Variants in C3orf33 observed in about 807,000 individuals in gnomAD.
C3orf33 encodes the protein mitochondrial inner membrane subdomain organizer 1, also known as AP-1 activity suppressor.
Under a neutral mutation model 28.7 loss-of-function variants are expected in C3orf33, and 23 were observed. The observed-to-expected ratio is 0.80, with a 90% confidence interval of 0.58 to 1.13. The LOEUF is 1.13. C3orf33 is among the 50% of genes most tolerant of loss of function. The pLI is 0.00. For synonymous variants in C3orf33, 119 were observed against 120.5 expected (o/e 0.99, Z 0.08); for missense variants, 327 against 353.4 (o/e 0.93, Z 0.60).
chr3:155,783,467 A>AT (rs57517417), intron 2 of C3orf33, among the ~76,000 whole-genome samples: 2,032 of 134,144 alleles, frequency 0.015, 51 homozygotes, highest in African/African-American at 0.048. Context: ...CCTGTACTAC[A>AT]TTTTTTTTTT....
At chr3:155,792,124 CACAG>C (rs1178295244) in intron 2 of C3orf33, among the ~76,000 whole-genome samples, 1 of 152,148 alleles carries the variant, frequency 6.6e-6, no homozygotes, top group Non-Finnish European at 1.5e-5. Flanking sequence ...GGCACCTTGA[CACAG>C]ACAGAGAGAC....
chr3:155,772,770 C>CTGTGTG (rs1406983545), intron 3 of C3orf33, among the ~76,000 whole-genome samples: 1 of 84,382 alleles, frequency 1.2e-5, no homozygotes, highest in Non-Finnish European at 2.6e-5. Context: ...AATTTTTAGG[C>CTGTGTG]TCTGTGTGTG....
intron 2 of C3orf33, 133 bp from the exon 3 acceptor site, chr3:155,775,981 T>C (rs945908237): frequency 1.7e-6 from 1 of 604,882 alleles, no homozygotes. Flanking sequence ...CCTAATTTTA[T>C]ATTACTTTAA....
At chr3:155,801,235 C>G (rs550452063) in intron 2 of C3orf33, among the ~76,000 whole-genome samples, 1 of 150,188 alleles carries the variant, frequency 6.7e-6, no homozygotes, top group South Asian at 2.1e-4. Flanking sequence ...TGCTTGAACC[C>G]AGGAGGTGGA....
Position 155,772,190 on chromosome 3 carries a change from G to A in C3orf33, c.322+3511C>T, listed in dbSNP as rs1750613645. The stretch of plus-strand genomic sequence containing the variant: ...ACTGCACTCCAGCCTGGGTGACAGA[G>A]CAAGACCCAGTCTCAAAATCAATCA... On this transcript the variant is annotated intron_variant, in intron 3 of 4. Transcript: ENST00000340171. 2.6e-5 allele frequency among the ~76,000 whole-genome samples: 4 copies of A among 152,180 alleles called. No individual in the cohort carries two copies. In the South Asian group the frequency reaches 8.3e-4, roughly 32 times the overall value.
intron 2 of C3orf33, among the ~76,000 whole-genome samples, chr3:155,781,030 G>T (rs1228131714): frequency 2.7e-5 from 4 of 147,958 alleles, no homozygotes; most frequent in South Asian, 4.2e-4. Context: ...TCGCTCTGTC[G>T]CCCAGGTGGG....
chr3:155,780,132 T>C (rs551340372), intron 2 of C3orf33, among the ~76,000 whole-genome samples: 19 of 152,296 alleles, frequency 1.2e-4, no homozygotes, highest in Non-Finnish European at 2.6e-4. Flanking sequence ...ATCCAAAGGA[T>C]AAGAACAGAT....
chr3:155,803,463 G>A (rs777187910), intron 1 of C3orf33, among the ~76,000 whole-genome samples: 71 of 149,846 alleles, frequency 4.7e-4, no homozygotes, highest in South Asian at 8.4e-4. Context: ...TACTCAGGAG[G>A]CTAAGGCAGG....
rs749161316 is a variant in C3orf33, at chr3:155,763,830, G to A, written c.572C>T (p.Ser191Phe). 7.0e-6 allele frequency: 11 copies of A among 1,576,268 alleles called. No homozygotes were observed. In the Admixed American group the frequency reaches 2.0e-4, roughly 29 times the overall value. ...TCTGTGAACTGTCCAGTAGATTTTA[G>A]AATCATATTTAAGCCCTTTAACAAG... is the stretch of plus-strand genomic sequence containing the variant. ...TVLVKGLKYD[S>F]KIYWTVHRNL... Residue 191 changes from serine (S) to phenylalanine (F), a missense_variant, in exon 5 of 5, where the codon TCT (serine) becomes TTT (phenylalanine). Transcript: ENST00000340171.
At chr3:155,782,243 G>A (rs1208706423) in intron 2 of C3orf33, among the ~76,000 whole-genome samples, 1 of 151,226 alleles carries the variant, frequency 6.6e-6, no homozygotes, top group Admixed American at 6.6e-5. Flanking sequence ...AGGGAACAGG[G>A]CCTAAGGAAT....
chr3:155,800,092 A>G (rs1178781649), intron 2 of C3orf33, among the ~76,000 whole-genome samples: 1 of 152,192 alleles, frequency 6.6e-6, no homozygotes, highest in African/African-American at 2.4e-5. Flanking sequence ...TTGCAACACG[A>G]AAGAAGAAAT....
intron 1 of C3orf33, among the ~76,000 whole-genome samples, chr3:155,803,392 C>T (rs1325312295): frequency 2.0e-5 from 3 of 151,722 alleles, no homozygotes; most frequent in African/African-American, 4.8e-5. Flanking sequence ...GGTGAAACCT[C>T]GTCTCTACTA....
At position 155,803,529 on chromosome 3, in the gene C3orf33, C is replaced by G. The variant is rs1751714584; in HGVS notation, c.115-938G>C. 2.3e-5 allele frequency among the ~76,000 whole-genome samples: 3 copies of G among 132,564 alleles called. No homozygotes were observed. The Admixed American group carries it at 2.6e-4, about 12-fold the overall frequency. 87.0% of individuals were successfully genotyped at this position (132,564 alleles called of 152,430 possible). On this transcript the variant is annotated intron_variant, in intron 1 of 4. Coordinates refer to ENST00000340171, the MANE Select transcript of C3orf33 (RefSeq NM_001308229.2). ...GCAGTGAGCCGAGATCGTGCCACTG[C>G]ACTCCAGCCTGGGTAACAGAGTGAG...
chr3:155,776,003 CAA>C (rs1750736238), intron 2 of C3orf33, among the ~76,000 whole-genome samples, 155 bp from the exon 3 acceptor site: 2 of 152,140 alleles, frequency 1.3e-5, no homozygotes, highest in Admixed American at 1.3e-4. Flanking sequence ...ATGATTTAAT[CAA>C]AAGTGTTTAT....
intron 2 of C3orf33, among the ~76,000 whole-genome samples, chr3:155,798,042 G>A (rs1751530731): frequency 6.7e-6 from 1 of 149,014 alleles, no homozygotes; most frequent in Non-Finnish European, 1.5e-5. Context: ...CTGCACTCCA[G>A]CTTGAGTGAC....
chr3:155,778,172 G>A (rs981911764), intron 2 of C3orf33, among the ~76,000 whole-genome samples: 10 of 145,934 alleles, frequency 6.9e-5, no homozygotes, highest in African/African-American at 2.5e-4. Context: ...AACAAGTAGG[G>A]GTAATATTCT....
chr3:155,793,979 T>C (rs1277116649), intron 2 of C3orf33, among the ~76,000 whole-genome samples: 1 of 118,852 alleles, frequency 8.4e-6, no homozygotes, highest in Non-Finnish European at 2.0e-5. Context: ...CTTGGTGGTG[T>C]TTTGTTTTTT....
Position 155,806,120 on chromosome 3 carries a change from G to T in C3orf33, c.114+19C>A. ...CCGCCCCGCGCCCACCACCCGCCCA[G>T]ACTGCGTGGCCCCAGTACCCGGACT... On this transcript the variant is annotated intron_variant, in intron 1 of 4. Transcript: ENST00000340171. 7.2e-7 allele frequency: 1 copy of T among 1,395,012 alleles called. No individual in the cohort carries two copies. Among genetic ancestry groups the T allele is most frequent in the South Asian group, 1.5e-5 (1 of 66,432 alleles). The allele number at this position is 1,395,012 out of a possible 1,614,324, so 86.4% of individuals were successfully genotyped here.
At chr3:155,782,181 A>C (rs79705141) in intron 2 of C3orf33, among the ~76,000 whole-genome samples, 2 of 151,914 alleles carry the variant, frequency 1.3e-5, no homozygotes, top group African/African-American at 4.8e-5. Context: ...AAAAAAAAAA[A>C]AGATAAATTA....
Sources: gnomAD v4.1 joint callset for allele counts (sites outside exome capture counted in the v4.1 genomes callset) on GRCh38, gnomAD v4.1.1 for gene constraint, MANE v1.5 for transcripts, NCBI Gene and HGNC (gene_info 2026-07-23, HGNC 2026-07-21) for gene names.